SLC6A6: variants seen among roughly 807,000 people sequenced by gnomAD.
SLC6A6 encodes the protein solute carrier family 6 member 6, also known as sodium- and chloride-dependent taurine transporter.
SLC6A6 carries 16 observed loss-of-function variants against 68.8 expected under a neutral mutation model. That is an observed-to-expected ratio of 0.23 (90% CI 0.16 to 0.35). The LOEUF (loss-of-function observed/expected upper bound fraction) is 0.35, where lower values mean the gene tolerates loss of function less well. Among genes scored for constraint, SLC6A6 ranks in the 10% least tolerant of loss-of-function variants. The pLI is 1.00. For missense variants in SLC6A6, 474 were observed against 802.8 expected (o/e 0.59, Z 4.95); for synonymous variants, 312 against 315.4 (o/e 0.99, Z 0.12).
intron 2 of SLC6A6, among the ~76,000 whole-genome samples, chr3:14,423,859 G>T (rs565718084): frequency 1.8e-4 from 28 of 152,166 alleles, no homozygotes; most frequent in Non-Finnish European, 2.6e-4. Flanking sequence ...ATTCAGTGAA[G>T]TCTCTCACCC....
Position 14,458,774 on chromosome 3 carries a change from A to G in SLC6A6, c.732+692A>G, listed in dbSNP as rs1369036751. 2.6e-5 allele frequency among the ~76,000 whole-genome samples: 4 copies of G among 152,362 alleles called. No individual in the cohort carries two copies. In the East Asian group the frequency reaches 7.7e-4, roughly 29 times the overall value. On this transcript the variant is annotated intron_variant, in intron 6 of 14. Transcript: ENST00000622186. ...CAGGAAAGCGTTAGCTGATAATTAA[A>G]TCATCCACTCATGGCCAGGGTGTTA... is the stretch of plus-strand genomic sequence containing the variant.
intron 3 of SLC6A6, among the ~76,000 whole-genome samples, chr3:14,445,147 G>C (rs1700084857): frequency 1.3e-5 from 2 of 152,266 alleles, no homozygotes; most frequent in South Asian, 4.1e-4. Context: ...AGGCAGCCGG[G>C]CGCGGTGGCT....
chr3:14,431,471 C>A (rs1179456578), intron 2 of SLC6A6, among the ~76,000 whole-genome samples: 1 of 152,190 alleles, frequency 6.6e-6, no homozygotes, highest in African/African-American at 2.4e-5. Context: ...TGGAGGCTGT[C>A]CCATCGAGGC....
At chr3:14,433,802 CAAAAAAA>C (rs67806643) in intron 2 of SLC6A6, among the ~76,000 whole-genome samples, 4 of 77,512 alleles carry the variant, frequency 5.2e-5, no homozygotes, top group Admixed American at 4.0e-4. Context: ...GACTCTGTCT[CAAAAAAA>C]AAAAAAAAAA....
At chr3:14,418,731 T>G (rs1699420290) in intron 2 of SLC6A6, among the ~76,000 whole-genome samples, 1 of 152,230 alleles carries the variant, frequency 6.6e-6, no homozygotes, top group African/African-American at 2.4e-5. Context: ...CAGGCACTGC[T>G]AAACACGTCA....
chr3:14,466,382 C>A, intron 6 of SLC6A6, 134 bp from the exon 7 acceptor site: 2 of 986,854 alleles, frequency 2.0e-6, no homozygotes, highest in Non-Finnish European at 3.0e-6. Flanking sequence ...GGCCGCACAG[C>A]AAGTAAGACA....
intron 6 of SLC6A6, among the ~76,000 whole-genome samples, chr3:14,459,118 C>A (rs1700436606): frequency 6.6e-6 from 1 of 152,164 alleles, no homozygotes; most frequent in Non-Finnish European, 1.5e-5. Flanking sequence ...CTATAAAGAA[C>A]AAAGGCGTTT....
chr3:14,479,098 T>A lies in SLC6A6; in HGVS notation c.1464T>A (p.Leu488=). The A allele has an allele frequency of 6.2e-7, 1 of 1,611,434 alleles. No homozygotes were observed. The highest frequency in any genetic ancestry group is 8.5e-7 in the Non-Finnish European group (1 of 1,177,600). The change falls in exon 13 of 15, where the codon CTT becomes CTA. Residue 488 remains leucine (L), a synonymous_variant. Coordinates refer to ENST00000622186, the MANE Select transcript of SLC6A6 (RefSeq NM_003043.6). ...TGTCTCTTGCAGGAGGTGATAACCT[T>A]TATGATGGTATTGAGGACATGATTG... The part of the protein sequence containing the change: ...VIAWIYGGDN[L]YDGIEDMIGY...
intron 1 of SLC6A6, among the ~76,000 whole-genome samples, chr3:14,412,717 G>C (rs1699277450): frequency 6.6e-6 from 1 of 152,220 alleles, no homozygotes; most frequent in Admixed American, 6.5e-5. Flanking sequence ...TGTGGACGGT[G>C]CTGGTCTGGG....
chr3:14,474,344 G>T (rs543704087), intron 10 of SLC6A6, among the ~76,000 whole-genome samples: 2 of 152,288 alleles, frequency 1.3e-5, no homozygotes, highest in African/African-American at 4.8e-5. Flanking sequence ...GGTCCTCATG[G>T]CAGGCTTCTG....
Position 14,481,540 on chromosome 3 carries a change from TG to T in SLC6A6, c.1552-130del. ...GGATCCTTATGGCAGCAGAGAGGGG[TG>T]TGAGTTCTGAGCCAGTCCTTTCCCA... On this transcript the variant is annotated intron_variant, in intron 13 of 14. Transcript: ENST00000622186. This position sits in a 1 kb window ranked among gnomAD's most constrained non-coding sequence, Gnocchi z 4.7. 4 of 624,228 alleles carry T rather than the reference TG, an allele frequency of 6.4e-6. No homozygotes were observed. Among genetic ancestry groups the T allele is most frequent in the Non-Finnish European group, 1.1e-5 (4 of 355,762 alleles). 38.7% of individuals were successfully genotyped at this position (624,228 alleles called of 1,614,324 possible).
intron 2 of SLC6A6, among the ~76,000 whole-genome samples, chr3:14,435,392 G>A (rs73030137): frequency 0.015 from 2,227 of 152,330 alleles, 24 homozygotes; most frequent in Middle Eastern, 0.058. Flanking sequence ...GGTGGAGGTT[G>A]CAGTTAAATC....
chr3:14,453,883 C>T (rs1700307650), intron 5 of SLC6A6, among the ~76,000 whole-genome samples: 1 of 152,160 alleles, frequency 6.6e-6, no homozygotes. Flanking sequence ...GGCCTTAAGG[C>T]AGGATCGCGT....
intron 5 of SLC6A6, among the ~76,000 whole-genome samples, chr3:14,457,223 CG>C (rs1700389646): frequency 6.6e-6 from 1 of 152,170 alleles, no homozygotes. Context: ...GTGACTGTCC[CG>C]TGCCAATTAT....
At chr3:14,471,129 A>AC (rs1700740704) in intron 9 of SLC6A6, among the ~76,000 whole-genome samples, 1 of 36,678 alleles carries the variant, frequency 2.7e-5, no homozygotes, top group Non-Finnish European at 6.1e-5. Flanking sequence ...CTGCTTCTTG[A>AC]CTTTTTTTTT....
chr3:14,457,075 T>C (rs1249956411), intron 5 of SLC6A6, among the ~76,000 whole-genome samples: 1 of 152,218 alleles, frequency 6.6e-6, no homozygotes, highest in African/African-American at 2.4e-5. Flanking sequence ...TTTCAGATGC[T>C]GTCATCCATA....
chr3:14,408,534 C>G (rs1353847028), intron 1 of SLC6A6, among the ~76,000 whole-genome samples: 1 of 152,094 alleles, frequency 6.6e-6, no homozygotes, highest in Non-Finnish European at 1.5e-5. Context: ...AGGGTTTCAC[C>G]ATGTTGGCCA....
chr3:14,428,769 C>T (rs575413183), intron 2 of SLC6A6, among the ~76,000 whole-genome samples: 12 of 152,288 alleles, frequency 7.9e-5, no homozygotes, highest in African/African-American at 2.6e-4. Flanking sequence ...CCAGAGCCTC[C>T]GCTGGCCTTT....
chr3:14,441,049 C>G (rs986856407), intron 2 of SLC6A6, among the ~76,000 whole-genome samples: 1 of 152,146 alleles, frequency 6.6e-6, no homozygotes, highest in African/African-American at 2.4e-5. Flanking sequence ...ACTTGGGGAA[C>G]CCCAGTTGCT....
Sources: allele counts gnomAD v4.1 joint callset (sites outside exome capture counted in the v4.1 genomes callset), GRCh38; gene constraint gnomAD v4.1.1; non-coding constraint Gnocchi (gnomAD v3.1); transcripts MANE v1.5; gene names NCBI Gene and HGNC (gene_info 2026-07-23, HGNC 2026-07-21).